CDK14: variants seen among roughly 807,000 people sequenced by gnomAD.
The protein encoded by CDK14 is cyclin dependent kinase 14.
Under a neutral mutation model 60.7 loss-of-function variants are expected in CDK14, and 34 were observed. That is an observed-to-expected ratio of 0.56 (90% CI 0.43 to 0.75). The LOEUF is 0.75. Ranked by LOEUF, CDK14 falls within the 30% of genes least tolerant of loss-of-function variation. CDK14 has a pLI of 0.00. For missense variants in CDK14, 482 were observed against 564.1 expected (o/e 0.85, Z 1.47); for synonymous variants, 197 against 203.7 (o/e 0.97, Z 0.28).
intron 10 of CDK14, among the ~76,000 whole-genome samples, chr7:91,016,167 C>T (rs1432897625): frequency 6.6e-6 from 1 of 152,158 alleles, no homozygotes; most frequent in Non-Finnish European, 1.5e-5. Context: ...TATCTACCTT[C>T]AGAACAATGC....
intron 7 of CDK14, among the ~76,000 whole-genome samples, chr7:90,900,399 A>C (rs1218676047): frequency 6.6e-6 from 1 of 152,150 alleles, no homozygotes; most frequent in Non-Finnish European, 1.5e-5. Context: ...AACCATTAAC[A>C]TATAGTTTAT....
At chr7:90,748,366 C>T (rs151035698) in intron 4 of CDK14, among the ~76,000 whole-genome samples, 1 of 152,178 alleles carries the variant, frequency 6.6e-6, no homozygotes, top group East Asian at 1.9e-4. Flanking sequence ...AAAAGCTTGT[C>T]CTCATGTGTT....
intron 5 of CDK14, among the ~76,000 whole-genome samples, chr7:90,810,839 C>A (rs1432467390): frequency 6.6e-6 from 1 of 151,768 alleles, no homozygotes; most frequent in Non-Finnish European, 1.5e-5. Flanking sequence ...AACAGAGAGC[C>A]AAATCATGAG....
intron 2 of CDK14, among the ~76,000 whole-genome samples, chr7:90,630,066 AC>A (rs771241389): frequency 0.31 from 46,653 of 151,868 alleles, 8,119 homozygotes; most frequent in East Asian, 0.67. Context: ...ACAAAACAAA[AC>A]AAAACAAAAC....
At chr7:90,974,764 T>A (rs1210011284) in intron 9 of CDK14, among the ~76,000 whole-genome samples, 1 of 152,132 alleles carries the variant, frequency 6.6e-6, no homozygotes, top group African/African-American at 2.4e-5. Flanking sequence ...CAAATGCAGA[T>A]TTTTTTATTA....
At chr7:90,642,601 A>G (rs1015401108) in intron 2 of CDK14, among the ~76,000 whole-genome samples, 3 of 152,138 alleles carry the variant, frequency 2.0e-5, no homozygotes, top group African/African-American at 7.2e-5. Flanking sequence ...GCTGATATCA[A>G]ACTCCTGGCC....
At chr7:90,939,294 C>T (rs1446339668) in intron 8 of CDK14, among the ~76,000 whole-genome samples, 2 of 152,194 alleles carry the variant, frequency 1.3e-5, no homozygotes, top group Non-Finnish European at 2.9e-5. Flanking sequence ...AAAACTAGGA[C>T]ATGTGCTTCA....
chr7:91,196,961 G>A (rs750378565), intron 14 of CDK14, among the ~76,000 whole-genome samples: 2 of 152,082 alleles, frequency 1.3e-5, no homozygotes, highest in Admixed American at 1.3e-4. Flanking sequence ...ATTTTAGTTC[G>A]TGTAATAAAG....
intron 2 of CDK14, among the ~76,000 whole-genome samples, chr7:90,651,895 A>G (rs1029773437): frequency 1.3e-5 from 2 of 152,146 alleles, no homozygotes; most frequent in African/African-American, 4.8e-5. Context: ...AGTCTGTTTA[A>G]TACAAGTACT....
chr7:90,725,899 G>A (rs1303218937), intron 2 of CDK14, among the ~76,000 whole-genome samples: 1 of 152,070 alleles, frequency 6.6e-6, no homozygotes, highest in South Asian at 2.1e-4. Context: ...GTGGAATAAT[G>A]TAAACCAAAT....
At chr7:90,972,697 G>T (rs896152498) in intron 9 of CDK14, among the ~76,000 whole-genome samples, 3 of 152,158 alleles carry the variant, frequency 2.0e-5, no homozygotes, top group Non-Finnish European at 4.4e-5. Flanking sequence ...ATTATGTTTT[G>T]CATTTAATCT....
intron 2 of CDK14, among the ~76,000 whole-genome samples, chr7:90,669,518 G>A (rs1801056386): frequency 6.6e-6 from 1 of 152,200 alleles, no homozygotes; most frequent in African/African-American, 2.4e-5. Flanking sequence ...AAAGAAAACT[G>A]CTGTAGCCTG....
chr7:90,785,167 C>T (rs1205363377), intron 4 of CDK14, among the ~76,000 whole-genome samples: 2 of 152,072 alleles, frequency 1.3e-5, no homozygotes, highest in African/African-American at 4.8e-5. Flanking sequence ...ATTAAATTTC[C>T]CAGATTATAT....
At chr7:90,984,327 T>G in intron 10 of CDK14, 86 bp downstream of exon 10, 1 of 861,824 alleles carries the variant, frequency 1.2e-6, no homozygotes, top group Non-Finnish European at 1.9e-6. Context: ...TGTGGAAAAA[T>G]AATTTAAAAC....
intron 4 of CDK14, among the ~76,000 whole-genome samples, chr7:90,772,782 A>T (rs914652951): frequency 6.6e-6 from 1 of 152,216 alleles, no homozygotes; most frequent in African/African-American, 2.4e-5. Flanking sequence ...GAACAGACTA[A>T]TACACTGGGT....
chr7:90,614,259 C>A (rs1187875904), intron 2 of CDK14, among the ~76,000 whole-genome samples: 1 of 152,138 alleles, frequency 6.6e-6, no homozygotes, highest in Admixed American at 6.5e-5. Flanking sequence ...CCCGCCTTGG[C>A]CTCCCAAAGT....
At chr7:90,829,941 G>T (rs1329642780) in intron 5 of CDK14, among the ~76,000 whole-genome samples, 1 of 152,232 alleles carries the variant, frequency 6.6e-6, no homozygotes, top group African/African-American at 2.4e-5. Flanking sequence ...CTCTGCCTCT[G>T]TGGCTTTGCC....
chr7:90,648,478 A>G (rs1800518656), intron 2 of CDK14, among the ~76,000 whole-genome samples: 1 of 152,074 alleles, frequency 6.6e-6, no homozygotes, highest in South Asian at 2.1e-4. Context: ...TCCTATTGGT[A>G]TGGGAGGGGG....
chr7:90,863,114 G>C, intron 5 of CDK14, 61 bp from the exon 6 acceptor site: 1 of 850,168 alleles, frequency 1.2e-6, no homozygotes, highest in East Asian at 2.5e-5. Flanking sequence ...AAATTATAAT[G>C]GTATATATTA....
Sources: gnomAD v4.1 joint callset for allele counts (sites outside exome capture counted in the v4.1 genomes callset) on GRCh38, gnomAD v4.1.1 for gene constraint, MANE v1.5 for transcripts, NCBI Gene and HGNC (gene_info 2026-07-23, HGNC 2026-07-21) for gene names.